TAFA2: variants seen among roughly 807,000 people sequenced by gnomAD.
TAFA2 encodes chemokine-like protein TAFA-2.
TAFA2 carries 7 observed loss-of-function variants against 18.8 expected under a neutral mutation model. That is an observed-to-expected ratio of 0.37 (90% CI 0.21 to 0.70). The LOEUF is 0.70. TAFA2 is among the 30% of genes least tolerant of loss of function. The pLI is 0.53. For synonymous variants in TAFA2, 60 were observed against 54.2 expected (o/e 1.11, Z -0.47); for missense variants, 122 against 158.1 (o/e 0.77, Z 1.23).
chr12:62,064,008 T>C (rs919717114), intron 1 of TAFA2, among the ~76,000 whole-genome samples: 1 of 152,094 alleles, frequency 6.6e-6, no homozygotes, highest in African/African-American at 2.4e-5. Context: ...TCTTAGACAA[T>C]GGTAGGTGCT....
chr12:61,832,515 A>G (rs1296124218), intron 2 of TAFA2, among the ~76,000 whole-genome samples: 2 of 152,042 alleles, frequency 1.3e-5, no homozygotes, highest in African/African-American at 4.8e-5. Flanking sequence ...ACCCCAAACA[A>G]GCCACCCCCA....
intron 2 of TAFA2, among the ~76,000 whole-genome samples, chr12:61,865,921 G>A (rs1874334807): frequency 7.2e-6 from 1 of 138,448 alleles, no homozygotes; most frequent in Non-Finnish European, 1.7e-5. Flanking sequence ...TAAGTCCACG[G>A]CAGGGCTTGG....
At chr12:62,016,621 C>A (rs1460212138) in intron 1 of TAFA2, among the ~76,000 whole-genome samples, 1 of 152,114 alleles carries the variant, frequency 6.6e-6, no homozygotes, top group African/African-American at 2.4e-5. Flanking sequence ...GAGGAGAAAA[C>A]CTCCTTTCCT....
intron 1 of TAFA2, among the ~76,000 whole-genome samples, chr12:62,237,374 T>G (rs759947696): frequency 2.6e-5 from 4 of 152,236 alleles, no homozygotes; most frequent in Non-Finnish European, 5.9e-5. Flanking sequence ...GTTCCAGATT[T>G]CTGTTTGACT....
At chr12:61,899,218 T>C in intron 1 of TAFA2, among the ~76,000 whole-genome samples, 1 of 152,126 alleles carries the variant, frequency 6.6e-6, no homozygotes, top group East Asian at 1.9e-4. Flanking sequence ...CCCAAACTGT[T>C]CCAACCTCTG....
intron 4 of TAFA2, among the ~76,000 whole-genome samples, chr12:61,753,348 G>T (rs1214948922): frequency 2.6e-5 from 4 of 152,032 alleles, no homozygotes; most frequent in African/African-American, 9.7e-5. Context: ...AGTGGGGAAA[G>T]GAGGTTCACA....
chr12:62,144,866 G>C (rs967903737), intron 1 of TAFA2, among the ~76,000 whole-genome samples: 1 of 152,116 alleles, frequency 6.6e-6, no homozygotes, highest in African/African-American at 2.4e-5. Context: ...TAGTAGTTAT[G>C]CCTCAACCAA....
chr12:62,110,117 T>C (rs11174327), intron 1 of TAFA2, among the ~76,000 whole-genome samples: 24,815 of 152,152 alleles, frequency 0.16, 2,135 homozygotes, highest in East Asian at 0.31. Flanking sequence ...TGTGGGTTAG[T>C]CATAAATAGC....
chr12:62,171,563 G>A (rs1023507018), intron 1 of TAFA2, among the ~76,000 whole-genome samples: 1 of 152,166 alleles, frequency 6.6e-6, no homozygotes, highest in African/African-American at 2.4e-5. Context: ...CATGGGATTA[G>A]TGTCCTTATA....
intron 1 of TAFA2, among the ~76,000 whole-genome samples, chr12:62,246,441 G>C (rs1023903796): frequency 4.6e-5 from 7 of 152,156 alleles, no homozygotes; most frequent in East Asian, 1.9e-4. Context: ...CTCAATTTTT[G>C]TAAATATTTC....
intron 1 of TAFA2, among the ~76,000 whole-genome samples, chr12:61,932,221 C>A (rs1174996448): frequency 1.3e-5 from 2 of 152,172 alleles, no homozygotes; most frequent in Non-Finnish European, 2.9e-5. Flanking sequence ...ACAAATGCAG[C>A]CCATTGATTC....
At chr12:61,974,170 C>A (rs1879350852) in intron 1 of TAFA2, among the ~76,000 whole-genome samples, 1 of 151,680 alleles carries the variant, frequency 6.6e-6, no homozygotes, top group Non-Finnish European at 1.5e-5. Flanking sequence ...ATAATTGAAT[C>A]TTTCAATCTC....
At chr12:61,784,015 C>T (rs1158709932) in intron 2 of TAFA2, among the ~76,000 whole-genome samples, 1 of 151,480 alleles carries the variant, frequency 6.6e-6, no homozygotes, top group Non-Finnish European at 1.5e-5. Flanking sequence ...GGCATAAAAA[C>T]AGCATGGCTA....
intron 1 of TAFA2, among the ~76,000 whole-genome samples, chr12:62,071,129 C>T (rs1882620117): frequency 6.6e-6 from 1 of 152,164 alleles, no homozygotes; most frequent in Non-Finnish European, 1.5e-5. Flanking sequence ...TGGAGTTCCT[C>T]TCATGAAGCT....
intron 1 of TAFA2, among the ~76,000 whole-genome samples, chr12:62,046,097 C>G (rs759932227): frequency 6.6e-6 from 1 of 152,062 alleles, no homozygotes; most frequent in Non-Finnish European, 1.5e-5. Flanking sequence ...TAGCCCATGG[C>G]CATAATGATG....
chr12:61,905,085 A>G (rs946841970), intron 1 of TAFA2, among the ~76,000 whole-genome samples: 3 of 152,174 alleles, frequency 2.0e-5, no homozygotes, highest in Non-Finnish European at 4.4e-5. Context: ...TCTACTTTAT[A>G]ATAATTAATT....
intron 2 of TAFA2, among the ~76,000 whole-genome samples, chr12:61,784,258 A>G (rs1870630982): frequency 6.6e-6 from 1 of 151,560 alleles, no homozygotes; most frequent in East Asian, 1.9e-4. Context: ...CCCACTTTAA[A>G]TCATTTGAAG....
In TAFA2 at chr12:61,916,257, T is replaced by TTAC. The variant is rs554643126; in HGVS notation, c.-1-48834_-1-48832dup. ...ATTCTTGGGGTCTGATAGATCTGTG[T>TTAC]TACTACCTAAGCTCTAAAACTGCAG... is the stretch of plus-strand genomic sequence containing the variant. On this transcript the variant is annotated intron_variant, in intron 1 of 4. Coordinates refer to ENST00000416284, the MANE Select transcript of TAFA2 (RefSeq NM_178539.5). Among the ~76,000 whole-genome samples the TTAC allele has an allele frequency of 3.4e-4, 52 of 152,346 alleles. 2 individuals carry two copies. The South Asian group carries it at 9.3e-3, about 27-fold the overall frequency.
chr12:62,147,711 C>CA (rs2062296250), intron 1 of TAFA2, among the ~76,000 whole-genome samples: 1 of 101,774 alleles, frequency 9.8e-6, no homozygotes. Flanking sequence ...GCCTGGGCAA[C>CA]AGAGCAAGAC....
Sources: allele counts gnomAD v4.1 joint callset (sites outside exome capture counted in the v4.1 genomes callset), GRCh38; gene constraint gnomAD v4.1.1; transcripts MANE v1.5; gene names NCBI Gene and HGNC (gene_info 2026-07-23, HGNC 2026-07-21).